Variants in COL4A5 observed in about 807,000 individuals in gnomAD.
COL4A5 encodes the protein collagen type IV alpha 5 chain, also known as collagen alpha-5(IV) chain.
A neutral mutation model predicts 130.2 loss-of-function variants in COL4A5; 26 were observed. The ratio of observed to expected loss-of-function variants is 0.20; its 90% CI spans 0.15 to 0.28. The LOEUF is 0.28. Among genes scored for constraint, COL4A5 ranks in the 10% least tolerant of loss-of-function variants. COL4A5 has a pLI of 1.00. For missense variants in COL4A5, 1,131 were observed against 1,344.3 expected (o/e 0.84, Z 2.48); for synonymous variants, 496 against 439.6 (o/e 1.13, Z -1.60).
chrX:108,644,518 T>G (rs780267603), intron 36 of COL4A5, among the ~76,000 whole-genome samples: 1 of 111,753 alleles, frequency 8.9e-6, no homozygotes, highest in East Asian at 2.8e-4. Flanking sequence ...TTAAGAACAT[T>G]GAAATCATGT....
intron 37 of COL4A5, among the ~76,000 whole-genome samples, chrX:108,656,578 CCAAA>C (rs1368070854): frequency 8.9e-6 from 1 of 111,754 alleles, no homozygotes; most frequent in African/African-American, 3.2e-5. Context: ...GTAGATGCTG[CCAAA>C]CAGTTTTCCA....
At chrX:108,655,290 G>A (rs367961868) in intron 36 of COL4A5, 41 bp from the exon 37 acceptor site, 55 of 1,195,811 alleles carry the variant, frequency 4.6e-5, no homozygotes, top group African/African-American at 5.3e-5. Flanking sequence ...AATCTAAGTC[G>A]TGTAGAGACT....
intron 36 of COL4A5, chrX:108,626,575 T>A: frequency 8.9e-7 from 1 of 1,126,764 alleles, no homozygotes. Context: ...TTTGTTTTTC[T>A]TCTATCTTAA....
At chrX:108,558,974 T>C in intron 2 of COL4A5, 90 bp from the exon 3 acceptor site, 2 of 722,246 alleles carry the variant, frequency 2.8e-6, no homozygotes, top group Non-Finnish European at 4.4e-6. Context: ...TAGTTTTGTC[T>C]AGATAGTCAT....
chrX:108,548,346 A>C (rs1472392643), intron 2 of COL4A5, among the ~76,000 whole-genome samples: 1 of 112,114 alleles, frequency 8.9e-6, no homozygotes, highest in Non-Finnish European at 1.9e-5. Flanking sequence ...TAACAATAGA[A>C]TGGAGATGTC....
intron 1 of COL4A5, among the ~76,000 whole-genome samples, chrX:108,480,351 C>A (rs772753298): frequency 8.9e-6 from 1 of 112,554 alleles, no homozygotes; most frequent in African/African-American, 3.2e-5. Context: ...GAATTTTAGT[C>A]GGATTTATTT....
chrX:108,513,620 T>C (rs2147596228), intron 1 of COL4A5, among the ~76,000 whole-genome samples: 1 of 111,830 alleles, frequency 8.9e-6, no homozygotes. Flanking sequence ...TAATTCCTTT[T>C]ATATCTTGGA....
chrX:108,461,838 G>A (rs771739831), intron 1 of COL4A5, among the ~76,000 whole-genome samples: 1 of 111,565 alleles, frequency 9.0e-6, no homozygotes, highest in South Asian at 3.7e-4. Context: ...CAGGTGATCC[G>A]CCTGCCTTGG....
At chrX:108,653,763 T>C (rs1024337560) in intron 36 of COL4A5, among the ~76,000 whole-genome samples, 1 of 111,311 alleles carries the variant, frequency 9.0e-6, no homozygotes, top group Admixed American at 9.6e-5. Context: ...TTTAATTTTT[T>C]CATGAATAAC....
At chrX:108,585,134 A>G (rs1338229995) in intron 18 of COL4A5, among the ~76,000 whole-genome samples, 1 of 112,011 alleles carries the variant, frequency 8.9e-6, no homozygotes, top group Non-Finnish European at 1.9e-5. Flanking sequence ...TTCCAGTCTT[A>G]TTAGGAATAA....
chrX:108,693,970 C>T (rs2068681376), intron 50 of COL4A5: 1 of 110,446 alleles, frequency 9.1e-6, no homozygotes, highest in Admixed American at 9.7e-5. Flanking sequence ...AAGATTAAAG[C>T]TGGTTCAGCC....
At chrX:108,645,850 G>A (rs1000905435) in intron 36 of COL4A5, among the ~76,000 whole-genome samples, 4 of 107,822 alleles carry the variant, frequency 3.7e-5, no homozygotes, top group Non-Finnish European at 7.6e-5. Flanking sequence ...TTGTCCTTGC[G>A]ATAGTTTGCT....
At chrX:108,545,491 G>T (rs192623331) in intron 2 of COL4A5, among the ~76,000 whole-genome samples, 174 of 111,550 alleles carry the variant, frequency 1.6e-3, no homozygotes, top group African/African-American at 5.5e-3. Flanking sequence ...TATAATTTCT[G>T]TTCTTTTACA....
intron 1 of COL4A5, among the ~76,000 whole-genome samples, chrX:108,443,747 A>G (rs751196381): frequency 8.9e-6 from 1 of 111,742 alleles, no homozygotes; most frequent in East Asian, 2.8e-4. Context: ...TTTATTCACT[A>G]TAAAGTCACT....
chrX:108,504,919 A>G (rs2065110975), intron 1 of COL4A5, among the ~76,000 whole-genome samples: 3 of 112,130 alleles, frequency 2.7e-5, no homozygotes, highest in African/African-American at 9.7e-5. Context: ...AAGTTATTGT[A>G]TGAAAAAGAC....
intron 35 of COL4A5, 69 bp downstream of exon 35, chrX:108,625,863 T>A (rs1440774821): frequency 7.5e-6 from 6 of 802,906 alleles, no homozygotes; most frequent in Admixed American, 7.0e-5. Context: ...TCTTTTTTTG[T>A]CAGAAAAGAG....
At chrX:108,482,659 A>G (rs954570658) in intron 1 of COL4A5, among the ~76,000 whole-genome samples, 1 of 111,677 alleles carries the variant, frequency 9.0e-6, no homozygotes, top group Admixed American at 9.5e-5. Context: ...GAGGCTGTGC[A>G]TGCATCTTTC....
chrX:108,440,061 C>T lies in COL4A5; in HGVS notation c.-65C>T. On this transcript the variant is annotated 5_prime_UTR_variant, in exon 1 of 53. Transcript: ENST00000328300. ...TCCATATAAACCCTCAAGATTATGT[C>T]AATTGGTTAGAGCCAGCCGGGAATT... The T allele has an allele frequency of 1.1e-6, 1 of 878,254 alleles. No homozygotes were observed. The highest frequency in any genetic ancestry group is 3.2e-5 in the East Asian group (1 of 31,668). The allele number at this position is 878,254 out of a possible 1,213,427, so 72.4% of individuals were successfully genotyped here.
intron 21 of COL4A5, among the ~76,000 whole-genome samples, chrX:108,593,560 C>T (rs756653739): frequency 1.8e-5 from 2 of 111,320 alleles, no homozygotes; most frequent in African/African-American, 3.3e-5. Flanking sequence ...TTACCTTTCA[C>T]GTTTTGATCT....
Sources: gnomAD v4.1 joint callset for allele counts (sites outside exome capture counted in the v4.1 genomes callset) on GRCh38, gnomAD v4.1.1 for gene constraint, MANE v1.5 for transcripts, NCBI Gene and HGNC (gene_info 2026-07-23, HGNC 2026-07-21) for gene names.